The following UTRN variants were observed in gnomAD, a reference collection of about 807,000 sequenced individuals.
UTRN encodes utrophin.
A neutral mutation model predicts 463.9 loss-of-function variants in UTRN; 283 were observed. The ratio of observed to expected loss-of-function variants is 0.61; its 90% CI spans 0.55 to 0.67. UTRN has a LOEUF of 0.67. Among genes scored for constraint, UTRN ranks in the 30% least tolerant of loss-of-function variants. The pLI is 0.00. For missense variants in UTRN, 3,922 were observed against 4,084.3 expected (o/e 0.96, Z 1.08); for synonymous variants, 1,442 against 1,431.5 (o/e 1.01, Z -0.17).
intron 51 of UTRN, among the ~76,000 whole-genome samples, chr6:144,615,495 A>G (rs1805984223): frequency 6.6e-6 from 1 of 152,114 alleles, no homozygotes; most frequent in Non-Finnish European, 1.5e-5. Flanking sequence ...CTGTGCTCAT[A>G]TGATACCCTT....
chr6:144,839,278 C>T lies in UTRN; in HGVS notation c.10171C>T (p.Gln3391Ter). 6.2e-7 allele frequency: 1 copy of T among 1,613,378 alleles called. No homozygotes were observed. The highest frequency in any genetic ancestry group is 1.1e-5 in the South Asian group (1 of 91,052). Reference sequence around the variant, plus strand: ...AGATGCCTCCGGCCCACAGTTCCACCAGGCAGGTCGGTGTCCCCAGCACAC... The same window carrying T: ...AGATGCCTCCGGCCCACAGTTCCACTAGGCAGGTCGGTGTCCCCAGCACAC... The part of the protein sequence containing the change: ...DPDASGPQFH[Q>*]AAGEDLLAPP... The change falls in exon 72 of 75, where the codon CAG (glutamine) becomes TAG (stop). Residue 3391 changes from glutamine to a stop codon, truncating the protein, a stop_gained. Coordinates refer to ENST00000367545, the MANE Select transcript of UTRN (RefSeq NM_007124.3). LOFTEE classifies it high-confidence loss of function.
At chr6:144,294,153 A>C (rs1210300947) in intron 2 of UTRN, among the ~76,000 whole-genome samples, 1 of 152,086 alleles carries the variant, frequency 6.6e-6, no homozygotes, top group East Asian at 1.9e-4. Context: ...AATTGCTTAG[A>C]GTGTTTAGAT....
At chr6:144,416,275 G>A (rs1364285974) in intron 3 of UTRN, among the ~76,000 whole-genome samples, 1 of 152,126 alleles carries the variant, frequency 6.6e-6, no homozygotes, top group East Asian at 1.9e-4. Context: ...GTTACCAGGA[G>A]GTTATACATA....
chr6:144,339,971 C>T (rs924301921), intron 2 of UTRN, among the ~76,000 whole-genome samples: 5 of 152,244 alleles, frequency 3.3e-5, no homozygotes, highest in African/African-American at 4.8e-5. Flanking sequence ...AGTTTGAGAC[C>T]AGCCTGACCA....
Position 144,511,111 on chromosome 6 carries a change from C to T in UTRN, c.4932C>T (p.Cys1644=), listed in dbSNP as rs750104048. Residue 1644 remains cysteine (C), a synonymous_variant, in exon 35 of 75, where the codon TGC becomes TGT. Coordinates refer to ENST00000367545, the MANE Select transcript of UTRN (RefSeq NM_007124.3). The part of the protein sequence containing the change: ...SRVRTWTEDW[C]NTLMNHQNQL... ...TTCGTACCTGGACTGAAGATTGGTG[C>T]AATACCTTGATGGTATGTCTCAGGA... The T allele has an allele frequency of 6.3e-7, 1 of 1,578,780 alleles. No homozygotes were observed. The highest frequency in any genetic ancestry group is 1.4e-5 in the African/African-American group (1 of 73,894).
At chr6:144,313,188 T>G (rs1003920195) in intron 2 of UTRN, among the ~76,000 whole-genome samples, 3 of 152,000 alleles carry the variant, frequency 2.0e-5, no homozygotes, top group African/African-American at 7.3e-5. Flanking sequence ...AATAAGCAAT[T>G]TTTTAAAACG....
At chr6:144,453,897 A>G (rs1472710997) in intron 19 of UTRN, 28 bp downstream of exon 19, 1 of 1,588,772 alleles carries the variant, frequency 6.3e-7, no homozygotes, top group Middle Eastern at 1.7e-4. Flanking sequence ...TTTCCCCTAT[A>G]TTTTTCAGAT....
chr6:144,766,423 T>C (rs2128730230), intron 58 of UTRN, among the ~76,000 whole-genome samples: 1 of 152,332 alleles, frequency 6.6e-6, no homozygotes, highest in Non-Finnish European at 1.5e-5. Flanking sequence ...TCTATAAGTG[T>C]ACATAAAGTA....
At chr6:144,434,838 G>C (rs1017773328) in intron 9 of UTRN, among the ~76,000 whole-genome samples, 1 of 152,210 alleles carries the variant, frequency 6.6e-6, no homozygotes, top group African/African-American at 2.4e-5. Flanking sequence ...GCTCAGCCTT[G>C]AGGAGTGCTA....
chr6:144,835,175 G>A (rs1467897077), intron 69 of UTRN, among the ~76,000 whole-genome samples: 2 of 152,222 alleles, frequency 1.3e-5, no homozygotes, highest in East Asian at 3.8e-4. Flanking sequence ...AGATAAGTGG[G>A]AGAACCCACA....
At chr6:144,355,916 T>C (rs1205119286) in intron 2 of UTRN, among the ~76,000 whole-genome samples, 4 of 152,238 alleles carry the variant, frequency 2.6e-5, no homozygotes, top group African/African-American at 9.6e-5. Flanking sequence ...TACCAAATTT[T>C]GAATTAGAAA....
At chr6:144,677,430 G>A (rs1044769981) in intron 51 of UTRN, among the ~76,000 whole-genome samples, 1 of 152,076 alleles carries the variant, frequency 6.6e-6, no homozygotes, top group Admixed American at 6.5e-5. Context: ...CCATGTCCCT[G>A]CAAAGGACAT....
intron 38 of UTRN, 65 bp downstream of exon 38, chr6:144,516,452 A>G: frequency 6.6e-7 from 1 of 1,514,026 alleles, no homozygotes; most frequent in Non-Finnish European, 8.9e-7. Flanking sequence ...TTTCATTTTT[A>G]CATCAAGATG....
chr6:144,295,938 G>A (rs1224871987), intron 2 of UTRN, among the ~76,000 whole-genome samples: 1 of 152,104 alleles, frequency 6.6e-6, no homozygotes, highest in South Asian at 2.1e-4. Context: ...TGCCTGGCTG[G>A]TTCCTTCTTG....
intron 2 of UTRN, among the ~76,000 whole-genome samples, chr6:144,396,878 C>T (rs1194545941): frequency 6.6e-6 from 1 of 152,164 alleles, no homozygotes; most frequent in Non-Finnish European, 1.5e-5. Flanking sequence ...ATACTTCCTA[C>T]TCCTGTCCTC....
chr6:144,844,088 C>G (rs944621220), intron 73 of UTRN, among the ~76,000 whole-genome samples: 1 of 152,046 alleles, frequency 6.6e-6, no homozygotes, highest in Non-Finnish European at 1.5e-5. Context: ...TATTTTTTCT[C>G]TGGTATTATA....
At chr6:144,699,689 T>A (rs1029170431) in intron 52 of UTRN, among the ~76,000 whole-genome samples, 1 of 150,492 alleles carries the variant, frequency 6.6e-6, no homozygotes, top group Non-Finnish European at 1.5e-5. Context: ...TGGTTTATAA[T>A]TGTACATTCT....
intron 66 of UTRN, among the ~76,000 whole-genome samples, chr6:144,824,949 A>G (rs1241828480): frequency 6.6e-6 from 1 of 151,836 alleles, no homozygotes; most frequent in African/African-American, 2.4e-5. Flanking sequence ...ACGCACAGCT[A>G]ATGTGTTTAT....
At position 144,291,730 on chromosome 6, in the gene UTRN, CT is replaced by C. The variant is rs1804269074; in HGVS notation, c.-92-3del. 1 of 929,604 alleles carries C rather than the reference CT, an allele frequency of 1.1e-6. No homozygotes were observed. The highest frequency in any genetic ancestry group is 1.6e-6 in the Non-Finnish European group (1 of 632,822). The allele number at this position is 929,604 out of a possible 1,614,324, so 57.6% of individuals were successfully genotyped here. A position where few individuals can be genotyped will look rare whatever the true frequency, so the allele number is the denominator to read the frequency against. On this transcript the variant is annotated splice_region_variant and splice_polypyrimidine_tract_variant and intron_variant, in intron 1 of 74. Coordinates refer to ENST00000367545, the MANE Select transcript of UTRN (RefSeq NM_007124.3). ...TTTCAAGTCAGTACTTTCCCTTTTC[CT>C]TTTAGGTATTGATGTCAAGCTGAAC...
Sources: allele counts gnomAD v4.1 joint callset (sites outside exome capture counted in the v4.1 genomes callset), GRCh38; gene constraint gnomAD v4.1.1; transcripts MANE v1.5; gene names NCBI Gene and HGNC (gene_info 2026-07-23, HGNC 2026-07-21).